Variants in MTHFD2L observed in about 807,000 individuals in gnomAD.
MTHFD2L encodes bifunctional methylenetetrahydrofolate dehydrogenase/cyclohydrolase 2, mitochondrial.
MTHFD2L carries 29 observed loss-of-function variants against 34.9 expected under a neutral mutation model. That is an observed-to-expected ratio of 0.83 (90% confidence interval 0.62 to 1.13). MTHFD2L has a LOEUF of 1.13. Among genes scored for constraint, MTHFD2L ranks in the 50% most tolerant of loss-of-function variants. The pLI is 0.00. For synonymous variants in MTHFD2L, 167 were observed against 155.7 expected, an observed-to-expected ratio of 1.07 and a Z score of -0.54; for missense variants, 481 against 446.5, an observed-to-expected ratio of 1.08 and a Z score of -0.70.
At chr4:74,259,545 G>T (rs1340946873) in intron 6 of MTHFD2L, among the ~76,000 whole-genome samples, 1 of 152,142 alleles carries the variant, frequency 6.6e-6, no homozygotes, top group African/African-American at 2.4e-5. Context: ...GTTTTGCTTT[G>T]AAAAACAGGT....
chr4:74,289,364 G>T (rs1043731322), intron 7 of MTHFD2L, among the ~76,000 whole-genome samples: 1 of 152,162 alleles, frequency 6.6e-6, no homozygotes, highest in African/African-American at 2.4e-5. Context: ...CTTGAGGGGG[G>T]CCTGGCTGGC....
chr4:74,158,358 C>G, intron 1 of MTHFD2L, 77 bp downstream of exon 1: 1 of 1,080,574 alleles, frequency 9.3e-7, no homozygotes, highest in Non-Finnish European at 1.1e-6. Flanking sequence ...CGCTCGCGCG[C>G]GTGGGGCCCA....
At chr4:74,170,743 G>C (rs1023237209) in intron 1 of MTHFD2L, among the ~76,000 whole-genome samples, 1 of 151,812 alleles carries the variant, frequency 6.6e-6, no homozygotes, top group Non-Finnish European at 1.5e-5. Flanking sequence ...GTCCAACAAC[G>C]AAAGACTGGA....
intron 1 of MTHFD2L, among the ~76,000 whole-genome samples, chr4:74,150,460 G>T (rs1723861829): frequency 6.6e-6 from 1 of 152,126 alleles, no homozygotes; most frequent in South Asian, 2.1e-4. Flanking sequence ...CTCTATGTTG[G>T]TCAGGCTGGT....
chr4:74,119,233 G>T (rs1287551866), upstream of MTHFD2L, among the ~76,000 whole-genome samples: 1 of 152,100 alleles, frequency 6.6e-6, no homozygotes, highest in Non-Finnish European at 1.5e-5. Context: ...TGCATCTGGT[G>T]GCAGGCTTTA....
At chr4:74,156,917 G>A (rs905713529), upstream of MTHFD2L, 1 of 151,012 alleles carries the variant, frequency 6.6e-6, no homozygotes, top group African/African-American at 2.4e-5. Context: ...TTCTTTAATT[G>A]TTGAGTTTCA....
intron 1 of MTHFD2L, among the ~76,000 whole-genome samples, chr4:74,146,621 G>A (rs1017738657): frequency 6.6e-6 from 1 of 152,026 alleles, no homozygotes; most frequent in African/African-American, 2.4e-5. Flanking sequence ...ACACCTTGGG[G>A]TAGTCTTATT....
chr4:74,271,544 A>G (rs1251835339), intron 6 of MTHFD2L, among the ~76,000 whole-genome samples: 1 of 152,206 alleles, frequency 6.6e-6, no homozygotes. Context: ...CTATTTTGGT[A>G]CCAGTACCAT....
intron 6 of MTHFD2L, among the ~76,000 whole-genome samples, chr4:74,246,248 G>A (rs375471114): frequency 4.6e-5 from 7 of 151,696 alleles, no homozygotes; most frequent in South Asian, 2.1e-4. Flanking sequence ...GCATTTTTTC[G>A]TGTGTCTTTT....
At chr4:74,247,022 A>T (rs1264888656) in intron 6 of MTHFD2L, among the ~76,000 whole-genome samples, 1 of 149,538 alleles carries the variant, frequency 6.7e-6, no homozygotes, top group African/African-American at 2.5e-5. Context: ...GAAGAAAGTC[A>T]TTGGTAGCTT....
At chr4:74,194,958 T>G (rs1453938317) in intron 3 of MTHFD2L, 3 of 152,250 alleles carry the variant, frequency 2.0e-5, no homozygotes, top group African/African-American at 7.2e-5. Flanking sequence ...ATTGCTCAAT[T>G]AAACATCTTT....
At chr4:74,249,975 G>T (rs906007803) in intron 6 of MTHFD2L, among the ~76,000 whole-genome samples, 5 of 151,180 alleles carry the variant, frequency 3.3e-5, no homozygotes, top group Non-Finnish European at 5.9e-5. Context: ...TGCTCTTCTC[G>T]AGGAGTATCT....
At chr4:74,167,986 C>A (rs79783404) in intron 1 of MTHFD2L, among the ~76,000 whole-genome samples, 95 of 152,268 alleles carry the variant, frequency 6.2e-4, no homozygotes, top group African/African-American at 2.2e-3. Flanking sequence ...AATCAGACTA[C>A]TTAGCACCTC....
intron 3 of MTHFD2L, among the ~76,000 whole-genome samples, chr4:74,198,281 G>T (rs1209312974): frequency 6.6e-6 from 1 of 152,116 alleles, no homozygotes; most frequent in Non-Finnish European, 1.5e-5. Context: ...TATTTTCAGT[G>T]AATGGGAGCG....
chr4:74,246,536 G>C (rs1352809804), intron 6 of MTHFD2L, among the ~76,000 whole-genome samples: 1 of 152,110 alleles, frequency 6.6e-6, no homozygotes, highest in African/African-American at 2.4e-5. Flanking sequence ...TGGTGTTATA[G>C]ACATGAAGTC....
chr4:74,120,905 G>C (rs923362292), upstream of MTHFD2L, among the ~76,000 whole-genome samples: 1 of 152,192 alleles, frequency 6.6e-6, no homozygotes, highest in Non-Finnish European at 1.5e-5. Context: ...TTGCTTACTT[G>C]TGTGACATAT....
upstream of MTHFD2L, chr4:74,157,569 A>C (rs1002642243): frequency 1.4e-5 from 6 of 422,188 alleles, no homozygotes; most frequent in East Asian, 4.2e-4. Flanking sequence ...GGAGATGATA[A>C]AGTAGAAGTA....
rs534570054 is a variant in MTHFD2L, at chr4:74,281,965, G to A, written c.931+415G>A. Among the ~76,000 whole-genome samples the A allele has an allele frequency of 2.6e-5, 4 of 152,202 alleles. No homozygotes were observed. The South Asian group carries it at 8.3e-4, about 32-fold the overall frequency. On this transcript the variant is annotated intron_variant, in intron 7 of 7. Transcript: ENST00000325278. The stretch of plus-strand genomic sequence containing the variant: ...TTAGAGCCAGAAGGCACCTTAGGGT[G>A]TGTCTGCCAACCCTAACTACATTTC...
At chr4:74,286,124 T>A (rs1489611540) in intron 7 of MTHFD2L, among the ~76,000 whole-genome samples, 1 of 152,184 alleles carries the variant, frequency 6.6e-6, no homozygotes, top group Non-Finnish European at 1.5e-5. Flanking sequence ...GTTACAGAAC[T>A]TGACAGTTCA....
Sources: allele counts gnomAD v4.1 joint callset (sites outside exome capture counted in the v4.1 genomes callset), GRCh38; gene constraint gnomAD v4.1.1; transcripts MANE v1.5; gene names NCBI Gene and HGNC (gene_info 2026-07-23, HGNC 2026-07-21).